PTPN23: variants seen among roughly 807,000 people sequenced by gnomAD.
The protein encoded by PTPN23 is protein tyrosine phosphatase non-receptor type 23.
A neutral mutation model predicts 156.3 loss-of-function variants in PTPN23; 72 were observed. The ratio of observed to expected loss-of-function variants is 0.46; its 90% CI spans 0.38 to 0.56. The LOEUF is 0.56. Among genes scored for constraint, PTPN23 ranks in the 20% least tolerant of loss-of-function variants. The pLI is 0.00. For synonymous variants in PTPN23, 957 were observed against 899.6 expected, an observed-to-expected ratio of 1.06 and a Z score of -1.14; for missense variants, 1,974 against 2,171.5, an observed-to-expected ratio of 0.91 and a Z score of 1.81.
In PTPN23 at chr3:47,406,332, C is replaced by A; in HGVS notation, c.554C>A (p.Ala185Asp). 1 of 1,613,668 alleles carries A rather than the reference C, an allele frequency of 6.2e-7. No individual in the cohort carries two copies. The highest frequency in any genetic ancestry group is 8.5e-7 in the Non-Finnish European group (1 of 1,180,004). The change falls in exon 7 of 25, where the codon GCT (alanine) becomes GAT (aspartate). Residue 185 changes from alanine (A) to aspartate (D), a missense_variant. This residue lies in a region of PTPN23 where 726 missense variants were observed against 929.5 expected (regional missense o/e 0.78). Coordinates refer to ENST00000265562, the MANE Select transcript of PTPN23 (RefSeq NM_015466.4). The surrounding 1 kb of genome is among the most constrained non-coding windows in gnomAD (Gnocchi z 5.8). ...CCTCACGTGTCGCCCCAGGGCCAGG[C>A]TCAGGAGTGCCTCCTGGAGAAGTCG... is the stretch of plus-strand genomic sequence containing the variant. ...TLNVNLMLGQ[A>D]QECLLEKSML...
In PTPN23 at chr3:47,389,967, G is replaced by A. The variant is rs1277501910; in HGVS notation, c.85-6176G>A. On this transcript the variant is annotated intron_variant, in intron 1 of 24. Coordinates refer to ENST00000265562, the MANE Select transcript of PTPN23 (RefSeq NM_015466.4). ...ATGCACCTGTAGTCCCAGCTACTTGGGAGGCTTAGGCAGGAGAATTGCTTG... is the reference window on the plus strand; with the variant it reads ...ATGCACCTGTAGTCCCAGCTACTTGAGAGGCTTAGGCAGGAGAATTGCTTG... Among the ~76,000 whole-genome samples the A allele has an allele frequency of 2.6e-5, 4 of 152,060 alleles. No individual in the cohort carries two copies. In the South Asian group the frequency reaches 8.3e-4, roughly 32 times the overall value.
Position 47,405,682 on chromosome 3 carries a change from C to T in PTPN23, c.365-67C>T, listed in dbSNP as rs1004002121. On this transcript the variant is annotated intron_variant, in intron 4 of 24. Coordinates refer to ENST00000265562, the MANE Select transcript of PTPN23 (RefSeq NM_015466.4). The surrounding 1 kb of genome is among the most constrained non-coding windows in gnomAD (Gnocchi z 4.7). ...CTGATTGTGGATAACAGCAGTGCCC[C>T]CTCTGTCTCACCTTCACATGGGTGT... is the stretch of plus-strand genomic sequence containing the variant. 7.3e-6 allele frequency: 11 copies of T among 1,502,802 alleles called. No individual in the cohort carries two copies. The highest frequency in any genetic ancestry group is 4.8e-5 in the South Asian group (4 of 83,480). The allele number at this position is 1,502,802 out of a possible 1,614,324, so 93.1% of individuals were successfully genotyped here.
intron 1 of PTPN23, among the ~76,000 whole-genome samples, chr3:47,390,072 C>CAAA (rs891612283): frequency 2.0e-5 from 1 of 49,328 alleles, no homozygotes; most frequent in Non-Finnish European, 4.2e-5. Context: ...GACTCCGTCT[C>CAAA]AAAAAAAAAA....
chr3:47,388,450 A>G (rs1019629912), intron 1 of PTPN23, among the ~76,000 whole-genome samples: 2 of 152,056 alleles, frequency 1.3e-5, no homozygotes, highest in African/African-American at 2.4e-5. Context: ...AAGTAGGTAT[A>G]TAAGTATATA....
intron 1 of PTPN23, among the ~76,000 whole-genome samples, chr3:47,383,145 A>G (rs1399954445): frequency 2.0e-5 from 3 of 151,990 alleles, no homozygotes; most frequent in Non-Finnish European, 2.9e-5. Flanking sequence ...TGCTTCATCT[A>G]CTGTGTGCAT....
rs1704704790 is a variant in PTPN23, at chr3:47,388,691, G to C, written c.85-7452G>C. ...TTTTTTTTTTTTTTTTTGAGACAGA[G>C]TTTCGCCTTGTCACGCAGGCTAGAG... On this transcript the variant is annotated intron_variant, in intron 1 of 24. Transcript: ENST00000265562. Among the ~76,000 whole-genome samples, 4 of 132,040 alleles carry C rather than the reference G, an allele frequency of 3.0e-5. No individual in the cohort carries two copies. In the South Asian group the frequency reaches 7.1e-4, roughly 23 times the overall value. The allele number at this position is 132,040 out of a possible 152,430, so 86.6% of individuals were successfully genotyped here.
chr3:47,408,303 G>T, intron 14 of PTPN23, 42 bp from the exon 15 acceptor site: 1 of 1,599,908 alleles, frequency 6.3e-7, no homozygotes, highest in Non-Finnish European at 8.5e-7. Flanking sequence ...GTCAGAGTTG[G>T]ATCAGCACCC....
rs1705285089 is a variant in PTPN23, at chr3:47,411,376, C to T, written c.3578C>T (p.Thr1193Ile). 2 of 1,612,996 alleles carry T rather than the reference C, an allele frequency of 1.2e-6. No individual in the cohort carries two copies. Among genetic ancestry groups the T allele is most frequent in the South Asian group, 2.2e-5 (2 of 91,086 alleles). Residue 1193 changes from threonine to isoleucine, a missense_variant, in exon 20 of 25, where the codon ACT (threonine) becomes ATT (isoleucine). Thr to Ile is a moderately conservative substitution (Grantham distance 89). This residue lies in a region of PTPN23 where 731 missense variants were observed against 669.1 expected (regional missense o/e 1.09). Coordinates refer to ENST00000265562, the MANE Select transcript of PTPN23 (RefSeq NM_015466.4). This position sits in a 1 kb window ranked among gnomAD's most constrained non-coding sequence, Gnocchi z 6.3. Reference protein sequence around the residue: ...GQLGDVGALDTVWRELQDAQE... With the variant: ...GQLGDVGALDIVWRELQDAQE... ...CTGGGGGATGTGGGAGCTCTGGACA[C>T]TGTCTGGCGAGAGCTGCAAGATGCG... is the stretch of plus-strand genomic sequence containing the variant.
chr3:47,407,000 G>T lies in PTPN23; in HGVS notation c.808-130G>T. 2 of 1,272,544 alleles carry T rather than the reference G, an allele frequency of 1.6e-6. No individual in the cohort carries two copies. The highest frequency in any genetic ancestry group is 2.7e-5 in the South Asian group (2 of 74,200). 78.8% of individuals were successfully genotyped at this position (1,272,544 alleles called of 1,614,324 possible). On this transcript the variant is annotated intron_variant, in intron 9 of 24. Coordinates refer to ENST00000265562, the MANE Select transcript of PTPN23 (RefSeq NM_015466.4). This position sits in a 1 kb window ranked among gnomAD's most constrained non-coding sequence, Gnocchi z 5.8. ...GTGTGGCGCCACCTTGCTGCTGTTG[G>T]CTGGGGTGGTGCCCGGCTGCCTCCT...
chr3:47,393,779 T>TTA (rs1217403377), intron 1 of PTPN23, among the ~76,000 whole-genome samples: 1 of 151,956 alleles, frequency 6.6e-6, no homozygotes, highest in African/African-American at 2.4e-5. Context: ...ATTATTATTA[T>TTA]TATTATTTTT....
chr3:47,411,097 GC>G lies in PTPN23; in HGVS notation c.3305del (p.Pro1102GlnfsTer58). ...CCAGGGCCTGGTCCGGTACCCCCTCGCCCCCCAGCAGCAGAACCACCCCCTT... is the reference window on the plus strand; with the variant it reads ...CCAGGGCCTGGTCCGGTACCCCCTCGCCCCCAGCAGCAGAACCACCCCCTT... ...PSPGPGPVPP[R>X]PPAAEPPPCL... On this transcript the variant is annotated frameshift_variant, in exon 20 of 25. Coordinates refer to ENST00000265562, the MANE Select transcript of PTPN23 (RefSeq NM_015466.4). LOFTEE classifies it high-confidence loss of function. The surrounding 1 kb of genome is among the most constrained non-coding windows in gnomAD (Gnocchi z 6.3). 1 of 1,600,330 alleles carries G rather than the reference GC, an allele frequency of 6.2e-7. No homozygotes were observed. Among genetic ancestry groups the G allele is most frequent in the Non-Finnish European group, 8.5e-7 (1 of 1,174,184 alleles).
In PTPN23 at chr3:47,407,103, A is replaced by T. The variant is rs1242448008; in HGVS notation, c.808-27A>T. On this transcript the variant is annotated intron_variant, in intron 9 of 24. Coordinates refer to ENST00000265562, the MANE Select transcript of PTPN23 (RefSeq NM_015466.4). The surrounding 1 kb of genome is among the most constrained non-coding windows in gnomAD (Gnocchi z 4.0). Reference sequence around the variant, plus strand: ...AAAGGGTCCAAGCAGAGGAGGACAGAGCAGGCTTTCCTGCCACCCTCCACA... The same window carrying T: ...AAAGGGTCCAAGCAGAGGAGGACAGTGCAGGCTTTCCTGCCACCCTCCACA... 6.2e-7 allele frequency: 1 copy of T among 1,613,728 alleles called. No homozygotes were observed. Among genetic ancestry groups the T allele is most frequent in the Non-Finnish European group, 8.5e-7 (1 of 1,179,782 alleles).
rs749601610 is a variant in PTPN23 at position 47,410,247 on chromosome 3, C to A, written c.2449C>A (p.Pro817Thr). 3.7e-6 allele frequency: 6 copies of A among 1,611,170 alleles called. No homozygotes were observed. The South Asian group carries it at 4.4e-5, about 12-fold the overall frequency. Residue 817 changes from proline to threonine, a missense_variant, in exon 20 of 25, where the codon CCT (proline) becomes ACT (threonine). Pro to Thr is a conservative substitution (Grantham distance 38). Coordinates refer to ENST00000265562, the MANE Select transcript of PTPN23 (RefSeq NM_015466.4). ...AGGGCCCCATGCAATGCCCGTAGCA[C>A]CTGGGCCTGCCCTCTACCCAGCCCC... ...APGPHAMPVA[P>T]GPALYPAPAY...
chr3:47,405,219 C>T lies in PTPN23; in HGVS notation c.364+138C>T, dbSNP rs1705093923. On this transcript the variant is annotated intron_variant, in intron 4 of 24. Coordinates refer to ENST00000265562, the MANE Select transcript of PTPN23 (RefSeq NM_015466.4). This position sits in a 1 kb window ranked among gnomAD's most constrained non-coding sequence, Gnocchi z 4.7. ...TCCCGCCCCTCCACTGACCTCCCCACAGCCCTGCCAGCTCCTCCACTGTTT... is the reference window on the plus strand; with the variant it reads ...TCCCGCCCCTCCACTGACCTCCCCATAGCCCTGCCAGCTCCTCCACTGTTT... The T allele has an allele frequency of 4.1e-6, 3 of 737,452 alleles. No homozygotes were observed. The highest frequency in any genetic ancestry group is 7.0e-6 in the Non-Finnish European group (3 of 431,136). 45.7% of individuals were successfully genotyped at this position (737,452 alleles called of 1,614,324 possible).
Position 47,411,177 on chromosome 3 carries a change from C to G in PTPN23, c.3379C>G (p.Gln1127Glu). The G allele has an allele frequency of 6.2e-7, 1 of 1,603,358 alleles. No homozygotes were observed. The highest frequency in any genetic ancestry group is 8.5e-7 in the Non-Finnish European group (1 of 1,177,104). The change falls in exon 20 of 25, where the codon CAG (glutamine) becomes GAG (glutamate). Residue 1127 changes from glutamine to glutamate, a missense_variant. Physicochemically the swap from Gln to Glu is conservative, Grantham distance 29. Coordinates refer to ENST00000265562, the MANE Select transcript of PTPN23 (RefSeq NM_015466.4). The surrounding 1 kb of genome is among the most constrained non-coding windows in gnomAD (Gnocchi z 6.3). ...CCTGCTCTCCTCCAGCCCGGAGAGCCAGCATGGCGGCACTCAGTCTCCTGG... is the reference window on the plus strand; with the variant it reads ...CCTGCTCTCCTCCAGCCCGGAGAGCGAGCATGGCGGCACTCAGTCTCCTGG... The part of the protein sequence containing the change: ...ADLLSSSPES[Q>E]HGGTQSPGGG...
At chr3:47,384,593 C>A (rs974461067) in intron 1 of PTPN23, among the ~76,000 whole-genome samples, 1 of 151,502 alleles carries the variant, frequency 6.6e-6, no homozygotes, top group African/African-American at 2.4e-5. Context: ...TAAAGGGGTT[C>A]GTTGTTTGAG....
At chr3:47,388,357 C>A (rs1704696870) in intron 1 of PTPN23, among the ~76,000 whole-genome samples, 1 of 152,062 alleles carries the variant, frequency 6.6e-6, no homozygotes, top group Non-Finnish European at 1.5e-5. Context: ...CACAGGCACG[C>A]ACCACTCTGC....
rs750345487 is a variant in PTPN23, at chr3:47,406,784, T to C, written c.807+34T>C. The C allele has an allele frequency of 2.5e-6, 4 of 1,612,388 alleles. No homozygotes were observed. Among genetic ancestry groups the C allele is most frequent in the Non-Finnish European group, 2.5e-6 (3 of 1,179,576 alleles). On this transcript the variant is annotated intron_variant, in intron 9 of 24. Coordinates refer to ENST00000265562, the MANE Select transcript of PTPN23 (RefSeq NM_015466.4). This position sits in a 1 kb window ranked among gnomAD's most constrained non-coding sequence, Gnocchi z 5.8. ...CAGCGAGGAGGGGACTGGGGACCAA[T>C]GGCAGCCTTCAGTGAGATGCCGGTG... is the stretch of plus-strand genomic sequence containing the variant.
rs925650484 is a variant in PTPN23 at position 47,405,337 on chromosome 3, A to G, written c.364+256A>G. ...TGCCACTGTGTGCTCTGTCTGGGAG[A>G]GAGGGCCTTTCTTCTTTGACTGGAC... On this transcript the variant is annotated intron_variant, in intron 4 of 24. Transcript: ENST00000265562. This position sits in a 1 kb window ranked among gnomAD's most constrained non-coding sequence, Gnocchi z 4.7. The G allele has an allele frequency of 1.3e-4, 70 of 557,306 alleles. No individual in the cohort carries two copies. The highest frequency in any genetic ancestry group is 9.5e-4 in the Middle Eastern group (2 of 2,114). The allele number at this position is 557,306 out of a possible 1,614,324, so 34.5% of individuals were successfully genotyped here. A position where few individuals can be genotyped will look rare whatever the true frequency, so the allele number is the denominator to read the frequency against.
Sources: allele counts gnomAD v4.1 joint callset (sites outside exome capture counted in the v4.1 genomes callset), GRCh38; gene constraint gnomAD v4.1.1; regional missense constraint gnomAD v4.1.1; non-coding constraint Gnocchi (gnomAD v3.1); transcripts MANE v1.5; gene names NCBI Gene and HGNC (gene_info 2026-07-23, HGNC 2026-07-21).